BRF1: variants seen among roughly 807,000 people sequenced by gnomAD.
The protein encoded by BRF1 is BRF1 general transcription factor IIIB subunit.
A neutral mutation model predicts 81.7 loss-of-function variants in BRF1; 59 were observed. The observed-to-expected ratio is 0.72, with a 90% CI of 0.59 to 0.90. The LOEUF (loss-of-function observed/expected upper bound fraction) is 0.90. Ranked by LOEUF, BRF1 falls within the 40% of genes least tolerant of loss-of-function variation. The pLI is 0.00. For missense variants in BRF1, 1,050 were observed against 936.3 expected, an observed-to-expected ratio of 1.12 and a Z score of -1.58; for synonymous variants, 491 against 395.6, an observed-to-expected ratio of 1.24 and a Z score of -2.86.
chr14:105,221,590 C>G (rs1205575500), intron 11 of BRF1, 58 bp downstream of exon 11: 1 of 1,569,792 alleles, frequency 6.4e-7, no homozygotes, highest in Non-Finnish European at 8.6e-7. Flanking sequence ...ATGAGAGGCA[C>G]ACGCCTGAAA....
chr14:105,220,501 G>C (rs987404085), intron 11 of BRF1, among the ~76,000 whole-genome samples: 3 of 152,364 alleles, frequency 2.0e-5, no homozygotes, highest in African/African-American at 7.2e-5. Context: ...AGTGAGATGG[G>C]GGTCTGTGCT....
At chr14:105,255,887 G>A (rs1331663586) in intron 4 of BRF1, among the ~76,000 whole-genome samples, 1 of 152,182 alleles carries the variant, frequency 6.6e-6, no homozygotes, top group Non-Finnish European at 1.5e-5. Flanking sequence ...AGTACTTAGG[G>A]AGGCCTTGGT....
intron 16 of BRF1, chr14:105,211,671 C>T: frequency 2.8e-6 from 1 of 359,038 alleles, no homozygotes; most frequent in South Asian, 3.6e-5. Flanking sequence ...AGAGGCTCTG[C>T]TCCGGCCCCT....
At chr14:105,253,859 TC>T (rs1214877269) in intron 4 of BRF1, among the ~76,000 whole-genome samples, 1 of 152,170 alleles carries the variant, frequency 6.6e-6, no homozygotes, top group Non-Finnish European at 1.5e-5. Flanking sequence ...ATCCCTGGGG[TC>T]TGCTCACCAA....
chr14:105,220,125 C>G lies in BRF1; in HGVS notation c.1321G>C (p.Ala441Pro). ...ISSQSSDPKD[A>P]SGDGELDLSG... ...AGGTCCAGCTCACCGTCTCCTGAAG[C>G]ATCTTCTGGAGGGAAGCACAGCATC... The change falls in exon 12 of 18, where the codon GCT (alanine) becomes CCT (proline). Residue 441 changes from alanine to proline, a missense_variant. This residue lies in a region of BRF1 where 1,043 missense variants were observed against 915.4 expected (regional missense o/e 1.14). Transcript: ENST00000547530. The G allele has an allele frequency of 6.2e-7, 1 of 1,613,476 alleles. No individual in the cohort carries two copies. The highest frequency in any genetic ancestry group is 1.1e-5 in the South Asian group (1 of 91,090).
At chr14:105,254,250 T>A (rs1209644939) in intron 4 of BRF1, among the ~76,000 whole-genome samples, 1 of 152,134 alleles carries the variant, frequency 6.6e-6, no homozygotes, top group African/African-American at 2.4e-5. Context: ...GCGTGCAGTT[T>A]TTTTGTTTTA....
intron 5 of BRF1, 100 bp downstream of exon 5, chr14:105,252,407 A>C: frequency 6.7e-7 from 1 of 1,495,270 alleles, no homozygotes; most frequent in Non-Finnish European, 8.9e-7. Context: ...GAGGGGTCCC[A>C]TGCTTGGACA....
At chr14:105,297,899 G>A (rs1349417756) in intron 1 of BRF1, among the ~76,000 whole-genome samples, 1 of 152,226 alleles carries the variant, frequency 6.6e-6, no homozygotes, top group East Asian at 1.9e-4. Context: ...GGGAGGCTGA[G>A]GCAGGAGAAT....
intron 5 of BRF1, chr14:105,250,039 T>C (rs1206587560): frequency 6.2e-7 from 1 of 1,612,962 alleles, no homozygotes; most frequent in South Asian, 1.1e-5. Flanking sequence ...AGAGGCATGT[T>C]CTGGGGCGAG....
intron 5 of BRF1, among the ~76,000 whole-genome samples, chr14:105,242,814 T>A (rs2054789127): frequency 6.6e-6 from 1 of 151,412 alleles, no homozygotes; most frequent in African/African-American, 2.4e-5. Context: ...TACAAAAGTT[T>A]TTGAAAAAAA....
chr14:105,261,622 A>G (rs1472379577), intron 3 of BRF1, among the ~76,000 whole-genome samples: 1 of 152,272 alleles, frequency 6.6e-6, no homozygotes, highest in Non-Finnish European at 1.5e-5. Flanking sequence ...TAAAAAAACA[A>G]GAAATTTCTC....
At position 105,250,591 on chromosome 14, in the gene BRF1, C is replaced by G. The variant is rs372780091; in HGVS notation, c.544+1916G>C. The G allele has an allele frequency of 1.9e-6, 3 of 1,613,986 alleles. No homozygotes were observed. In the African/African-American group the frequency reaches 4.0e-5, roughly 22 times the overall value. On this transcript the variant is annotated intron_variant, in intron 5 of 17. Transcript: ENST00000547530. ...AAGTGCAGTGTGGAAAGGTGGCCTT[C>G]CAGTTCCAGTGCTCCTCGGACAGCA...
At chr14:105,243,230 T>C (rs1475953578) in intron 5 of BRF1, among the ~76,000 whole-genome samples, 3 of 144,330 alleles carry the variant, frequency 2.1e-5, no homozygotes, top group Non-Finnish European at 3.0e-5. Flanking sequence ...TGCCTGAGCT[T>C]AGGAGTTCGA....
In BRF1 at chr14:105,219,035, G is replaced by T. The variant is rs147106237; in HGVS notation, c.1478C>A (p.Ala493Glu). Residue 493 changes from alanine to glutamate, a missense_variant, in exon 14 of 18, where the codon GCG becomes GAG. By Grantham distance (107) the Ala-to-Glu change is moderately radical. This residue lies in a region of BRF1 where 1,043 missense variants were observed against 915.4 expected (regional missense o/e 1.14). Transcript: ENST00000547530. ...REQREKEARIAKEKELGIYKE... is the reference protein window; with the variant it reads ...REQREKEARIEKEKELGIYKE... ...GTAGATGCCGAGCTCCTTCTCTTTC[G>T]CTATTCTTGCTTCTTTTTCTAAAAG... 2 of 1,613,798 alleles carry T rather than the reference G, an allele frequency of 1.2e-6. No individual in the cohort carries two copies. Among genetic ancestry groups the T allele is most frequent in the East Asian group, 4.5e-5 (2 of 44,878 alleles).
chr14:105,281,341 C>T (rs1156429854), intron 2 of BRF1, among the ~76,000 whole-genome samples: 2 of 142,552 alleles, frequency 1.4e-5, no homozygotes, highest in Non-Finnish European at 3.0e-5. Flanking sequence ...TGATCCTGAG[C>T]CCAGGTGTGC....
intron 15 of BRF1, 65 bp from the exon 16 acceptor site, chr14:105,212,229 C>G (rs1890234174): frequency 6.4e-7 from 1 of 1,560,770 alleles, no homozygotes; most frequent in African/African-American, 1.4e-5. Context: ...CACTTGTTCC[C>G]TTTTGCCCAT....
intron 4 of BRF1, among the ~76,000 whole-genome samples, chr14:105,253,274 G>A (rs1050876220): frequency 2.0e-5 from 3 of 152,350 alleles, no homozygotes; most frequent in Non-Finnish European, 4.4e-5. Context: ...CTGGCTGGGG[G>A]AGGACACTTC....
intron 3 of BRF1, among the ~76,000 whole-genome samples, chr14:105,259,627 T>G (rs587705834): frequency 6.6e-6 from 1 of 152,166 alleles, no homozygotes; most frequent in East Asian, 1.9e-4. Context: ...CAAAACCATG[T>G]CCACCGGACA....
chr14:105,229,431 C>G (rs1050866371), intron 6 of BRF1, among the ~76,000 whole-genome samples: 8 of 152,238 alleles, frequency 5.3e-5, no homozygotes, highest in Admixed American at 4.6e-4. Context: ...ACCTGGCCTG[C>G]CGGGTAGAGT....
Sources: allele counts gnomAD v4.1 joint callset (sites outside exome capture counted in the v4.1 genomes callset), GRCh38; gene constraint gnomAD v4.1.1; regional missense constraint gnomAD v4.1.1; transcripts MANE v1.5; gene names NCBI Gene and HGNC (gene_info 2026-07-23, HGNC 2026-07-21).